The following SAMD5 variants were observed in gnomAD, a reference collection of about 807,000 sequenced individuals.
SAMD5 encodes the protein sterile alpha motif domain containing 5.
Under a neutral mutation model 11.3 loss-of-function variants are expected in SAMD5, and 13 were observed. The observed-to-expected ratio is 1.15, with a 90% CI of 0.75 to 1.83. SAMD5 has a LOEUF of 1.83. SAMD5 is among the 40% of genes most tolerant of loss of function. The pLI is 0.00. For synonymous variants in SAMD5, 129 were observed against 111.3 expected (o/e 1.16, Z -1.00); for missense variants, 255 against 239.1 (o/e 1.07, Z -0.44).
At chr6:147,668,322 T>C (rs1161069995) in intron 1 of SAMD5, among the ~76,000 whole-genome samples, 7 of 152,224 alleles carry the variant, frequency 4.6e-5, no homozygotes, top group Admixed American at 6.5e-5. Context: ...TGGAGATCTT[T>C]CCACATCAAT....
the SAMD5 span, among the ~76,000 whole-genome samples, chr6:147,839,548 G>C: frequency 6.6e-6 from 1 of 152,042 alleles, no homozygotes; most frequent in African/African-American, 2.4e-5. Flanking sequence ...TCGGGAGTTC[G>C]AGACCACCCC....
At chr6:147,896,754 A>C in the SAMD5 span, among the ~76,000 whole-genome samples, 2 of 149,832 alleles carry the variant, frequency 1.3e-5, no homozygotes, top group Non-Finnish European at 3.0e-5. Flanking sequence ...AAAAAAAAAA[A>C]AAAAAAAAAC....
intron 1 of SAMD5, among the ~76,000 whole-genome samples, chr6:147,614,666 T>C (rs1157207803): frequency 6.6e-6 from 1 of 151,724 alleles, no homozygotes; most frequent in Non-Finnish European, 1.5e-5. Flanking sequence ...TACCGGAGAT[T>C]TGGGGTGGGG....
At chr6:147,847,832 G>A in the SAMD5 span, among the ~76,000 whole-genome samples, 5 of 152,030 alleles carry the variant, frequency 3.3e-5, no homozygotes, top group Admixed American at 6.6e-5. Flanking sequence ...CAGCCTGGGC[G>A]ACAGAGCAAG....
At chr6:147,745,749 G>C in the SAMD5 span, among the ~76,000 whole-genome samples, 1 of 150,968 alleles carries the variant, frequency 6.6e-6, no homozygotes, top group African/African-American at 2.4e-5. Flanking sequence ...TGTACTAGCT[G>C]TGTGCCTCTG....
chr6:147,937,445 C>T, the SAMD5 span, among the ~76,000 whole-genome samples: 1 of 152,120 alleles, frequency 6.6e-6, no homozygotes, highest in Non-Finnish European at 1.5e-5. Context: ...CCAGTAAGTA[C>T]CAACTTAGAT....
intron 1 of SAMD5, among the ~76,000 whole-genome samples, chr6:147,583,756 T>C (rs1046485304): frequency 4.6e-5 from 7 of 151,970 alleles, no homozygotes; most frequent in Admixed American, 4.6e-4. Flanking sequence ...GAGAAATTTA[T>C]GCTCTAGGTC....
At chr6:147,687,121 A>T (rs1791023016) in intron 1 of SAMD5, among the ~76,000 whole-genome samples, 1 of 152,120 alleles carries the variant, frequency 6.6e-6, no homozygotes, top group African/African-American at 2.4e-5. Flanking sequence ...ATATGTGCAC[A>T]CATGCACACA....
chr6:147,567,554 A>G lies in SAMD5; in HGVS notation c.*3098A>G. The G allele has an allele frequency of 3.4e-6, 3 of 892,732 alleles. No homozygotes were observed. The highest frequency in any genetic ancestry group is 4.0e-6 in the Non-Finnish European group (3 of 745,574). 55.3% of individuals were successfully genotyped at this position (892,732 alleles called of 1,614,324 possible). ...TAAAATGGGAAAAATAAATACCTCT[A>G]TAGCTCTTAAGAGGCTTAAGAGTTC... is the stretch of plus-strand genomic sequence containing the variant. On this transcript the variant is annotated 3_prime_UTR_variant, in exon 2 of 2. Coordinates refer to ENST00000367474, the MANE Select transcript of SAMD5 (RefSeq NM_001030060.3).
chr6:147,508,867 G>T lies in SAMD5; in HGVS notation c.-62G>T. 6.4e-7 allele frequency: 1 copy of T among 1,564,732 alleles called. No homozygotes were observed. On this transcript the variant is annotated 5_prime_UTR_variant, in exon 1 of 2. Coordinates refer to ENST00000367474, the MANE Select transcript of SAMD5 (RefSeq NM_001030060.3). ...GAGAGGATTAAAAGTTCCAAGAACT[G>T]GTGCCGCCCGTGCCATTTGGGCGCT... is the stretch of plus-strand genomic sequence containing the variant.
Position 147,551,223 on chromosome 6 carries a change from C to G in SAMD5, c.460-13171C>G, listed in dbSNP as rs1337801053. Among the ~76,000 whole-genome samples, 4 of 152,286 alleles carry G rather than the reference C, an allele frequency of 2.6e-5. No individual in the cohort carries two copies. The South Asian group carries it at 8.3e-4, about 32-fold the overall frequency. On this transcript the variant is annotated intron_variant, in intron 1 of 1. Coordinates refer to ENST00000367474, the MANE Select transcript of SAMD5 (RefSeq NM_001030060.3). ...TCTCATAGTGTCTAGGCTCTGTTCC[C>G]TTTTTGCCTCCTCATCAGTCTATTC...
Position 147,568,479 on chromosome 6 carries a change from A to G in SAMD5, c.*4023A>G, listed in dbSNP as rs1789079901. 1.0e-6 allele frequency: 1 copy of G among 985,346 alleles called. No homozygotes were observed. The highest frequency in any genetic ancestry group is 1.7e-5 in the African/African-American group (1 of 57,262). The allele number at this position is 985,346 out of a possible 1,614,324, so 61.0% of individuals were successfully genotyped here. On this transcript the variant is annotated 3_prime_UTR_variant, in exon 2 of 2. Transcript: ENST00000367474. ...GTGGAAGTTCTGAATTTCAAGGCAA[A>G]TAAGGCATGAAGGGTGGAACATTGC...
the SAMD5 span, among the ~76,000 whole-genome samples, chr6:147,804,147 G>A: frequency 6.8e-6 from 1 of 147,076 alleles, no homozygotes; most frequent in East Asian, 2.0e-4. Context: ...TCTTGCTGTC[G>A]GCCAGGCTGG....
At chr6:147,758,309 G>GA in the SAMD5 span, among the ~76,000 whole-genome samples, 1 of 152,168 alleles carries the variant, frequency 6.6e-6, no homozygotes, top group African/African-American at 2.4e-5. Flanking sequence ...CATTTGTTTG[G>GA]AAAAGGAAAA....
At chr6:147,796,794 G>A in the SAMD5 span, among the ~76,000 whole-genome samples, 1 of 151,478 alleles carries the variant, frequency 6.6e-6, no homozygotes, top group Non-Finnish European at 1.5e-5. Flanking sequence ...TCCCTTGTAA[G>A]TTGGATTCCT....
At chr6:147,564,343 A>G (rs771548946) in intron 1 of SAMD5, 51 bp from the exon 2 acceptor site, 1 of 775,552 alleles carries the variant, frequency 1.3e-6, no homozygotes, top group Admixed American at 1.7e-5. Context: ...GGACTAGGGG[A>G]AGAATGGGTA....
the SAMD5 span, among the ~76,000 whole-genome samples, chr6:147,752,844 G>A: frequency 6.6e-6 from 1 of 152,258 alleles, no homozygotes; most frequent in Non-Finnish European, 1.5e-5. Flanking sequence ...AAGCATTTCC[G>A]AAAAGAAATA....
chr6:147,811,671 A>G, the SAMD5 span, among the ~76,000 whole-genome samples: 2 of 152,144 alleles, frequency 1.3e-5, no homozygotes, highest in Non-Finnish European at 2.9e-5. Context: ...TGATGATGGA[A>G]TTGACTGATC....
intron 1 of SAMD5, among the ~76,000 whole-genome samples, chr6:147,642,627 C>G (rs1244235196): frequency 6.6e-6 from 1 of 152,136 alleles, no homozygotes; most frequent in Non-Finnish European, 1.5e-5. Context: ...TTAGCCCAAC[C>G]CTTTCATTTT....
Sources: allele counts gnomAD v4.1 joint callset (sites outside exome capture counted in the v4.1 genomes callset), GRCh38; gene constraint gnomAD v4.1.1; transcripts MANE v1.5; gene names NCBI Gene and HGNC (gene_info 2026-07-23, HGNC 2026-07-21).